PDGFRB: variants seen among roughly 807,000 people sequenced by gnomAD.
PDGFRB encodes the protein platelet derived growth factor receptor beta, also known as platelet-derived growth factor receptor beta.
PDGFRB carries 42 observed loss-of-function variants against 120.2 expected under a neutral mutation model. The observed-to-expected ratio is 0.35, with a 90% CI of 0.27 to 0.45. PDGFRB has a LOEUF of 0.45. PDGFRB is among the 20% of genes least tolerant of loss of function. The pLI is 1.00. For synonymous variants in PDGFRB, 586 were observed against 606.8 expected (o/e 0.97, Z 0.50); for missense variants, 1,149 against 1,476.3 (o/e 0.78, Z 3.63).
In PDGFRB at chr5:150,114,509, C is replaced by G. The variant is rs1201556661; in HGVS notation, c.*1254G>C. ...GTCATCGTGGGTAGTGAAAGAGGTC[C>G]CGTGGTCTTCCCATGTCCCTGGGGC... On this transcript the variant is annotated 3_prime_UTR_variant, in exon 23 of 23. Transcript: ENST00000261799. 4.3e-6 allele frequency: 1 copy of G among 233,358 alleles called. No homozygotes were observed. Among genetic ancestry groups the G allele is most frequent in the East Asian group, 6.0e-5 (1 of 16,554 alleles). 14.5% of individuals were successfully genotyped at this position (233,358 alleles called of 1,614,324 possible). A position where few individuals can be genotyped will look rare whatever the true frequency, so the allele number is the denominator to read the frequency against.
In PDGFRB at chr5:150,149,423, C is replaced by A. The variant is rs538299521; in HGVS notation, c.-7+5974G>T. The stretch of plus-strand genomic sequence containing the variant: ...ACATAGGCCCTTCTAAGCATGGGGC[C>A]CTCAGGAGGATGAGTACTCATGAAG... On this transcript the variant is annotated intron_variant, in intron 1 of 22. Transcript: ENST00000261799. 3.3e-5 allele frequency among the ~76,000 whole-genome samples: 5 copies of A among 152,252 alleles called. No homozygotes were observed. The South Asian group carries it at 1.0e-3, about 32-fold the overall frequency.
intron 10 of PDGFRB, among the ~76,000 whole-genome samples, chr5:150,127,030 C>G (rs377531589): frequency 6.6e-6 from 1 of 152,210 alleles, no homozygotes; most frequent in African/African-American, 2.4e-5. Flanking sequence ...TGCCACAGCT[C>G]GGTCAGACTC....
chr5:150,118,636 G>C, intron 21 of PDGFRB, 111 bp downstream of exon 21: 1 of 749,606 alleles, frequency 1.3e-6, no homozygotes, highest in Non-Finnish European at 2.4e-6. Context: ...GGCCCAGAGA[G>C]GACAAAGGGT....
chr5:150,146,794 A>G (rs960130007), intron 1 of PDGFRB, among the ~76,000 whole-genome samples: 3 of 152,216 alleles, frequency 2.0e-5, no homozygotes, highest in African/African-American at 7.2e-5. Flanking sequence ...CCATCTGTCC[A>G]CAGAGAAACG....
At chr5:150,137,693 G>A (rs1760673697) in intron 1 of PDGFRB, among the ~76,000 whole-genome samples, 1 of 152,198 alleles carries the variant, frequency 6.6e-6, no homozygotes, top group African/African-American at 2.4e-5. Flanking sequence ...GGGCCCAGGA[G>A]AGGTCCCATC....
Position 150,135,889 on chromosome 5 carries a change from G to C in PDGFRB, c.41-11C>G, listed in dbSNP as rs1368607797. ...GCAACAGCAGCTCGCCTTTGGGAGA[G>C]GAGGTATCAGACATCAGGAAACAGG... On this transcript the variant is annotated splice_polypyrimidine_tract_variant and intron_variant, in intron 2 of 22. Transcript: ENST00000261799. 1 of 1,515,792 alleles carries C rather than the reference G, an allele frequency of 6.6e-7. No homozygotes were observed. The highest frequency in any genetic ancestry group is 2.2e-5 in the Admixed American group (1 of 44,934). 93.9% of individuals were successfully genotyped at this position (1,515,792 alleles called of 1,614,324 possible).
chr5:150,121,392 G>A lies in PDGFRB; in HGVS notation c.2345-70C>T. The A allele has an allele frequency of 2.5e-6, 2 of 797,762 alleles. No homozygotes were observed. The highest frequency in any genetic ancestry group is 4.6e-6 in the Non-Finnish European group (2 of 435,492). 49.4% of individuals were successfully genotyped at this position (797,762 alleles called of 1,614,324 possible). On this transcript the variant is annotated intron_variant, in intron 16 of 22. Coordinates refer to ENST00000261799, the MANE Select transcript of PDGFRB (RefSeq NM_002609.4). The surrounding 1 kb of genome is among the most constrained non-coding windows in gnomAD (Gnocchi z 4.1). ...TGGCCCACAGGACCCCTGCCCTTTG[G>A]CTCCTGGGAGACTGAATGTCCAAGA... is the stretch of plus-strand genomic sequence containing the variant.
intron 3 of PDGFRB, 123 bp from the exon 4 acceptor site, chr5:150,135,139 C>T: frequency 4.9e-6 from 3 of 617,294 alleles, no homozygotes; most frequent in Non-Finnish European, 8.6e-6. Flanking sequence ...AATAGGGATG[C>T]TCCCAGAAGA....
intron 10 of PDGFRB, among the ~76,000 whole-genome samples, chr5:150,127,009 C>T (rs1306013501): frequency 6.6e-6 from 1 of 152,222 alleles, no homozygotes; most frequent in Admixed American, 6.5e-5. Context: ...AGTCCACACC[C>T]TTGCTGGGGC....
At chr5:150,129,454 T>C (rs1760389281) in intron 10 of PDGFRB, among the ~76,000 whole-genome samples, 1 of 152,102 alleles carries the variant, frequency 6.6e-6, no homozygotes, top group Admixed American at 6.5e-5. Context: ...GATTTGCACC[T>C]ATGTTCAAGG....
chr5:150,139,533 G>A (rs746645195), intron 1 of PDGFRB, among the ~76,000 whole-genome samples: 1 of 151,968 alleles, frequency 6.6e-6, no homozygotes, highest in Non-Finnish European at 1.5e-5. Flanking sequence ...AAGCAGGAGG[G>A]GGCTACATTC....
At chr5:150,143,545 T>G (rs777786660) in intron 1 of PDGFRB, among the ~76,000 whole-genome samples, 1 of 152,172 alleles carries the variant, frequency 6.6e-6, no homozygotes, top group African/African-American at 2.4e-5. Context: ...AAGAGGCATC[T>G]GGAGCCAGGG....
intron 21 of PDGFRB, among the ~76,000 whole-genome samples, chr5:150,118,155 C>T (rs1760021301): frequency 6.6e-6 from 1 of 152,198 alleles, no homozygotes; most frequent in African/African-American, 2.4e-5. Flanking sequence ...CGTCCTTCTT[C>T]AGGGCCTCAG....
intron 14 of PDGFRB, 92 bp from the exon 15 acceptor site, chr5:150,123,293 G>T: frequency 1.0e-6 from 1 of 986,464 alleles, no homozygotes; most frequent in Non-Finnish European, 1.6e-6. Flanking sequence ...ATGTGGGAGA[G>T]ACACTTTGGC....
At position 150,133,618 on chromosome 5, in the gene PDGFRB, T is replaced by C; in HGVS notation, c.902A>G (p.Gln301Arg). ...CNVTESVNDHQDEKAINITVV... is the reference protein window; with the variant it reads ...CNVTESVNDHRDEKAINITVV... ...GGTGATGTTGATGGCCTTTTCATCCTGATGGTCATTCACACTCTCCGTCAC... is the reference window on the plus strand; with the variant it reads ...GGTGATGTTGATGGCCTTTTCATCCCGATGGTCATTCACACTCTCCGTCAC... Residue 301 changes from glutamine to arginine, a missense_variant, in exon 6 of 23, where the codon CAG becomes CGG. Gln to Arg is a conservative substitution (Grantham distance 43). This residue lies in a region of PDGFRB where 879 missense variants were observed against 1,108.6 expected (regional missense o/e 0.79). Transcript: ENST00000261799. 6.2e-7 allele frequency: 1 copy of C among 1,614,144 alleles called. No individual in the cohort carries two copies. Among genetic ancestry groups the C allele is most frequent in the Non-Finnish European group, 8.5e-7 (1 of 1,179,962 alleles).
At chr5:150,124,594 G>A in intron 13 of PDGFRB, 133 bp downstream of exon 13, 1 of 624,440 alleles carries the variant, frequency 1.6e-6, no homozygotes, top group South Asian at 2.0e-5. Flanking sequence ...CTCGGGAGCA[G>A]TGCCTGCTGC....
intron 1 of PDGFRB, among the ~76,000 whole-genome samples, chr5:150,152,008 A>G (rs944721362): frequency 3.9e-5 from 6 of 152,086 alleles, no homozygotes; most frequent in East Asian, 3.9e-4. Flanking sequence ...CCTGGATTCA[A>G]GCAATTCTAG....
chr5:150,152,713 A>G (rs1761110366), intron 1 of PDGFRB, among the ~76,000 whole-genome samples: 1 of 152,008 alleles, frequency 6.6e-6, no homozygotes, highest in Non-Finnish European at 1.5e-5. Flanking sequence ...TGGAACATAC[A>G]TGGTGTCCAG....
In PDGFRB at chr5:150,129,779, C is replaced by T; in HGVS notation, c.1557G>A (p.Gln519=). The change falls in exon 10 of 23, where the codon CAG becomes CAA. Residue 519 remains glutamine (Q), a synonymous_variant. Coordinates refer to ENST00000261799, the MANE Select transcript of PDGFRB (RefSeq NM_002609.4). ...CACAGTGTGGCACCACGATGACCTCCTGCGTGTCCTGGCCCACAGCGTTGC... is the reference window on the plus strand; with the variant it reads ...CACAGTGTGGCACCACGATGACCTCTTGCGTGTCCTGGCCCACAGCGTTGC... ...TLRNAVGQDT[Q]EVIVVPHSLP... is the part of the protein sequence containing the mutation. 6.2e-7 allele frequency: 1 copy of T among 1,613,604 alleles called. No homozygotes were observed. The highest frequency in any genetic ancestry group is 8.5e-7 in the Non-Finnish European group (1 of 1,179,886).
Sources: gnomAD v4.1 joint callset for allele counts (sites outside exome capture counted in the v4.1 genomes callset) on GRCh38, gnomAD v4.1.1 for gene constraint, gnomAD v4.1.1 regional missense constraint, Gnocchi (gnomAD v3.1) non-coding constraint, MANE v1.5 for transcripts, NCBI Gene and HGNC (gene_info 2026-07-23, HGNC 2026-07-21) for gene names.